Variants in ARID1A observed in about 807,000 individuals in gnomAD.
ARID1A encodes AT-rich interaction domain 1A, also known as AT-rich interactive domain-containing protein 1A.
Under a neutral mutation model 212.6 loss-of-function variants are expected in ARID1A, and 20 were observed. The ratio of observed to expected loss-of-function variants is 0.09; its 90% CI spans 0.07 to 0.14. The LOEUF is 0.14. ARID1A is among the 10% of genes least tolerant of loss of function. ARID1A has a pLI of 1.00. For missense variants in ARID1A, 2,587 were observed against 3,059.0 expected (o/e 0.85, Z 3.64); for synonymous variants, 1,376 against 1,222.1 (o/e 1.13, Z -2.63).
intron 1 of ARID1A, among the ~76,000 whole-genome samples, chr1:26,702,888 CAATAGT>C (rs2080344596): frequency 6.6e-6 from 1 of 152,144 alleles, no homozygotes; most frequent in South Asian, 2.1e-4. Flanking sequence ...TCCTGACTGT[CAATAGT>C]AAGGTAAGTA....
chr1:26,737,587 C>G (rs61786507), intron 4 of ARID1A, among the ~76,000 whole-genome samples: 17 of 152,096 alleles, frequency 1.1e-4, no homozygotes, highest in Non-Finnish European at 2.5e-4. Context: ...TGCCCAGGCC[C>G]GAGCACGGTG....
chr1:26,720,249 G>GAA (rs540070510), intron 1 of ARID1A, among the ~76,000 whole-genome samples: 15 of 120,534 alleles, frequency 1.2e-4, no homozygotes, highest in African/African-American at 3.7e-4. Flanking sequence ...GCTCTGTCTC[G>GAA]AAAAAAAAAA....
chr1:26,715,770 G>T (rs1161079902), intron 1 of ARID1A, among the ~76,000 whole-genome samples: 2 of 152,168 alleles, frequency 1.3e-5, no homozygotes, highest in African/African-American at 4.8e-5. Flanking sequence ...CTACTGCAGA[G>T]GCTGAGGCAG....
rs750197954 is a variant in ARID1A at position 26,780,470 on chromosome 1, G to A, written c.6572G>A (p.Ser2191Asn). 3 of 1,614,266 alleles carry A rather than the reference G, an allele frequency of 1.9e-6. No individual in the cohort carries two copies. Among genetic ancestry groups the A allele is most frequent in the Non-Finnish European group, 2.5e-6 (3 of 1,180,050 alleles). The change falls in exon 20 of 20, where the codon AGT (serine) becomes AAT (asparagine). Residue 2191 changes from serine (S) to asparagine (N), a missense_variant. Physicochemically the swap from Ser to Asn is conservative, Grantham distance 46. Transcript: ENST00000324856. This position sits in a 1 kb window ranked among gnomAD's most constrained non-coding sequence, Gnocchi z 7.2. Reference sequence around the variant, plus strand: ...CGTGCCATTGCAGTGCAGAAGGGCAGTATCGGCAACCTCCTGGGCTTCCTA... The same window carrying A: ...CGTGCCATTGCAGTGCAGAAGGGCAATATCGGCAACCTCCTGGGCTTCCTA... ...AARAIAVQKG[S>N]IGNLLGFLED...
chr1:26,704,583 C>A (rs539111427), intron 1 of ARID1A, among the ~76,000 whole-genome samples: 6 of 152,154 alleles, frequency 3.9e-5, no homozygotes, highest in African/African-American at 1.4e-4. Context: ...TTTGGCCGGG[C>A]GCGGTAGCTC....
intron 4 of ARID1A, among the ~76,000 whole-genome samples, chr1:26,750,492 C>T (rs2080874481): frequency 6.6e-6 from 1 of 152,098 alleles, no homozygotes; most frequent in Non-Finnish European, 1.5e-5. Context: ...AAGGAGCCTT[C>T]CCGTCTTGTA....
At chr1:26,726,847 T>C (rs906887963) in intron 1 of ARID1A, among the ~76,000 whole-genome samples, 1 of 152,256 alleles carries the variant, frequency 6.6e-6, no homozygotes, top group Admixed American at 6.5e-5. Context: ...CTTAGGATGC[T>C]AACTGGATTT....
In ARID1A at chr1:26,728,365, AAC is replaced by A. The variant is rs779570063; in HGVS notation, c.1138-1284_1138-1283del. Among the ~76,000 whole-genome samples the A allele has an allele frequency of 2.0e-5, 3 of 152,202 alleles. No individual in the cohort carries two copies. In the East Asian group the frequency reaches 5.8e-4, roughly 29 times the overall value. On this transcript the variant is annotated intron_variant, in intron 1 of 19. Transcript: ENST00000324856. Reference sequence around the variant, plus strand: ...AAAACACTTAATAGCATTATTAAAAAACAAACACGTACAGAGAACGAATTGTT... The same window carrying A: ...AAAACACTTAATAGCATTATTAAAAAAAACACGTACAGAGAACGAATTGTT...
intron 4 of ARID1A, among the ~76,000 whole-genome samples, chr1:26,753,532 A>T (rs949141442): frequency 6.6e-6 from 1 of 152,244 alleles, no homozygotes; most frequent in African/African-American, 2.4e-5. Context: ...GATCTGCTCC[A>T]GCGCTTTTGA....
At chr1:26,742,887 T>A (rs1216338218) in intron 4 of ARID1A, among the ~76,000 whole-genome samples, 2 of 152,150 alleles carry the variant, frequency 1.3e-5, no homozygotes, top group East Asian at 3.9e-4. Flanking sequence ...GGAGAATCCC[T>A]TGAACCCGAG....
In ARID1A at chr1:26,780,791, TGC is replaced by T; in HGVS notation, c.*37_*38del. The T allele has an allele frequency of 6.5e-7, 1 of 1,527,968 alleles. No individual in the cohort carries two copies. 94.7% of individuals were successfully genotyped at this position (1,527,968 alleles called of 1,614,324 possible). A position where few individuals can be genotyped will look rare whatever the true frequency, so the allele number is the denominator to read the frequency against. On this transcript the variant is annotated 3_prime_UTR_variant, in exon 20 of 20. Transcript: ENST00000324856. This position sits in a 1 kb window ranked among gnomAD's most constrained non-coding sequence, Gnocchi z 7.2. ...GACACCTCCCCCCCCCGTGTGTGTGTGCGTGTGTGGAGAACTTAGAAACTGAC... is the reference window on the plus strand; with the variant it reads ...GACACCTCCCCCCCCCGTGTGTGTGTGTGTGTGGAGAACTTAGAAACTGAC...
intron 17 of ARID1A, 57 bp downstream of exon 17, chr1:26,773,955 G>A (rs2124115774): frequency 6.4e-7 from 1 of 1,565,434 alleles, no homozygotes; most frequent in South Asian, 1.1e-5. Flanking sequence ...AAACTAGTTA[G>A]TAAACTAATC....
intron 4 of ARID1A, among the ~76,000 whole-genome samples, chr1:26,745,912 G>A (rs1220014586): frequency 6.6e-6 from 1 of 152,090 alleles, no homozygotes; most frequent in Non-Finnish European, 1.5e-5. Flanking sequence ...TTAGCCGGGC[G>A]TGGTGGCATG....
At chr1:26,714,282 T>C (rs895503471) in intron 1 of ARID1A, among the ~76,000 whole-genome samples, 1 of 148,342 alleles carries the variant, frequency 6.7e-6, no homozygotes, top group Admixed American at 6.7e-5. Flanking sequence ...GAGGTTGGTA[T>C]GTACCAGCAT....
At chr1:26,727,501 C>G (rs1397542778) in intron 1 of ARID1A, among the ~76,000 whole-genome samples, 1 of 152,196 alleles carries the variant, frequency 6.6e-6, no homozygotes, top group Non-Finnish European at 1.5e-5. Flanking sequence ...CAGTGCTTCT[C>G]TAGATCACTG....
chr1:26,766,225 C>T lies in ARID1A; in HGVS notation c.2737C>T (p.Pro913Ser), dbSNP rs2124079108. 1.2e-6 allele frequency: 2 copies of T among 1,612,308 alleles called. No individual in the cohort carries two copies. Among genetic ancestry groups the T allele is most frequent in the Non-Finnish European group, 1.7e-6 (2 of 1,179,370 alleles). The change falls in exon 9 of 20, where the codon CCA (proline) becomes TCA (serine). Residue 913 changes from proline (P) to serine (S), a missense_variant. By Grantham distance (74) the Pro-to-Ser change is moderately conservative. Transcript: ENST00000324856. ...VAANSIQNRP[P>S]GYPNMNQGGM... ...ACTTTCCATCTTCTTCCTTAGGCCGCCAGGCTACCCCAATATGAATCAAGG... is the reference window on the plus strand; with the variant it reads ...ACTTTCCATCTTCTTCCTTAGGCCGTCAGGCTACCCCAATATGAATCAAGG...
intron 4 of ARID1A, among the ~76,000 whole-genome samples, chr1:26,737,099 C>T (rs538146693): frequency 6.6e-6 from 1 of 152,054 alleles, no homozygotes; most frequent in South Asian, 2.1e-4. Context: ...CCAATGCCCT[C>T]TACCTGTGCT....
rs2080987076 is a variant in ARID1A, at chr1:26,761,049, G to A, written c.2114G>A (p.Ser705Asn). ...PSPSPVGSPA[S>N]VAQSRSGPLS... ...CCGTCCCCTGTTGGCTCTCCCGCCA[G>A]TGTTGCTCAGTCTCGCTCAGGACCA... The change falls in exon 5 of 20, where the codon AGT (serine) becomes AAT (asparagine). Residue 705 changes from serine to asparagine, a missense_variant. By Grantham distance (46) the Ser-to-Asn change is conservative. Coordinates refer to ENST00000324856, the MANE Select transcript of ARID1A (RefSeq NM_006015.6). 1 of 1,614,164 alleles carries A rather than the reference G, an allele frequency of 6.2e-7. No homozygotes were observed. Among genetic ancestry groups the A allele is most frequent in the East Asian group, 2.2e-5 (1 of 44,876 alleles).
chr1:26,732,639 T>C, intron 3 of ARID1A, 37 bp from the exon 4 acceptor site: 4 of 1,495,268 alleles, frequency 2.7e-6, no homozygotes, highest in African/African-American at 1.4e-5. Context: ...GGTTTATCAA[T>C]ACCAGGCCAT....
Sources: allele counts gnomAD v4.1 joint callset (sites outside exome capture counted in the v4.1 genomes callset), GRCh38; gene constraint gnomAD v4.1.1; non-coding constraint Gnocchi (gnomAD v3.1); transcripts MANE v1.5; gene names NCBI Gene and HGNC (gene_info 2026-07-23, HGNC 2026-07-21).